TBC1D30: variants seen among roughly 807,000 people sequenced by gnomAD.
TBC1D30 encodes the protein TBC1 domain family, member 30.
TBC1D30 carries 31 observed loss-of-function variants against 63.2 expected under a neutral mutation model. The observed-to-expected ratio is 0.49, with a 90% CI of 0.37 to 0.66. The LOEUF is 0.66. TBC1D30 is among the 30% of genes least tolerant of loss of function. The probability of loss-of-function intolerance (pLI) is 0.00; values close to 1 mark genes in which losing one functional copy is unlikely to be tolerated. For synonymous variants in TBC1D30, 307 were observed against 361.5 expected (o/e 0.85, Z 1.71); for missense variants, 810 against 953.6 (o/e 0.85, Z 1.98).
In TBC1D30 at chr12:64,832,179, G is replaced by A. The variant is rs1307877151; in HGVS notation, c.469G>A (p.Val157Met). ...CGQEAEQDRV[V>M]LKRVLLAYAR... ...CCAGGAGGCTGAGCAGGACAGGGTT[G>A]TGTTGAAGCGGGTGCTGCTGGCCTA... Residue 157 changes from valine to methionine, a missense_variant, in exon 5 of 12, where the codon GTG becomes ATG. Around this residue, in one of 4 missense-constraint regions of TBC1D30, gnomAD observed 272 missense variants for 335.9 expected, o/e 0.81. Coordinates refer to ENST00000539867, the MANE Select transcript of TBC1D30 (RefSeq NM_015279.2). 1.3e-6 allele frequency: 2 copies of A among 1,536,056 alleles called. No homozygotes were observed. The highest frequency in any genetic ancestry group is 2.4e-5 in the South Asian group (2 of 84,070).
chr12:64,801,013 G>T (rs78985826), intron 2 of TBC1D30, among the ~76,000 whole-genome samples: 1 of 152,070 alleles, frequency 6.6e-6, no homozygotes, highest in Non-Finnish European at 1.5e-5. Context: ...TGTGCTCCTC[G>T]TACAGAGCTG....
chr12:64,810,216 G>A (rs1873126716), intron 2 of TBC1D30, among the ~76,000 whole-genome samples: 1 of 152,180 alleles, frequency 6.6e-6, no homozygotes, highest in South Asian at 2.1e-4. Flanking sequence ...CCATATTGGT[G>A]GGGGAGGGAT....
Position 64,816,857 on chromosome 12 carries a change from T to C in TBC1D30, c.644-10978T>C, listed in dbSNP as rs975991307. On this transcript the variant is annotated intron_variant, in intron 2 of 12. Transcript: ENST00000542120. ...GCTTTTCTTCCTTCTATCAGGGTGT[T>C]GCTCTGTCACCCAGGCTGGAGTACA... Among the ~76,000 whole-genome samples the C allele has an allele frequency of 3.2e-4, 48 of 151,744 alleles. 1 individual carries two copies. The highest frequency in any genetic ancestry group is 7.2e-4 in the Admixed American group (11 of 15,222).
chr12:64,802,672 G>A (rs1266090012), intron 2 of TBC1D30, among the ~76,000 whole-genome samples: 9 of 151,956 alleles, frequency 5.9e-5, no homozygotes, highest in Admixed American at 5.9e-4. Flanking sequence ...ACAGGCCCCG[G>A]TGTGTGATGT....
intron 2 of TBC1D30, among the ~76,000 whole-genome samples, chr12:64,806,443 G>T (rs988083812): frequency 4.6e-5 from 7 of 152,140 alleles, no homozygotes; most frequent in African/African-American, 1.7e-4. Flanking sequence ...GAGATTGAAG[G>T]CTCAGAGAGT....
chr12:64,787,845 C>T (rs1480224773), intron 2 of TBC1D30, among the ~76,000 whole-genome samples: 4 of 152,052 alleles, frequency 2.6e-5, no homozygotes, highest in Admixed American at 6.6e-5. Flanking sequence ...AGATCAGCCT[C>T]GCCAACACGG....
At chr12:64,780,396 C>T (rs1164440952), upstream of TBC1D30, among the ~76,000 whole-genome samples, 2 of 152,212 alleles carry the variant, frequency 1.3e-5, no homozygotes, top group African/African-American at 4.8e-5. Context: ...GAATAAGAGG[C>T]AAGAGTCACC....
chr12:64,832,291 G>T lies in TBC1D30; in HGVS notation c.581G>T (p.Gly194Val). 1 of 1,535,950 alleles carries T rather than the reference G, an allele frequency of 6.5e-7. No individual in the cohort carries two copies. The highest frequency in any genetic ancestry group is 8.7e-7 in the Non-Finnish European group (1 of 1,146,800). The change falls in exon 5 of 12, where the codon GGG becomes GTG. Residue 194 changes from glycine to valine, a missense_variant. By Grantham distance (109) the Gly-to-Val change is moderately radical (BLOSUM62 -3). Coordinates refer to ENST00000539867, the MANE Select transcript of TBC1D30 (RefSeq NM_015279.2). ...LILEVMEGNEGDALKIMIYLI... is the reference protein window; with the variant it reads ...LILEVMEGNEVDALKIMIYLI... ...CTGGAAGTGATGGAAGGCAATGAAGGGGATGCCCTGAAAGTGAGTAGCAGG... is the reference window on the plus strand; with the variant it reads ...CTGGAAGTGATGGAAGGCAATGAAGTGGATGCCCTGAAAGTGAGTAGCAGG...
intron 1 of TBC1D30, among the ~76,000 whole-genome samples, chr12:64,775,347 A>G (rs1422247687): frequency 1.3e-5 from 2 of 152,198 alleles, no homozygotes; most frequent in Non-Finnish European, 2.9e-5. Flanking sequence ...AGTTGGATAA[A>G]GAACCATGAC....
intron 1 of TBC1D30, among the ~76,000 whole-genome samples, chr12:64,770,702 TTTC>T (rs1490722298): frequency 3.9e-5 from 6 of 151,940 alleles, no homozygotes; most frequent in Admixed American, 3.9e-4. Flanking sequence ...CCAATTCCTT[TTTC>T]TTCTTTTTTT....
chr12:64,846,669 G>C (rs148030102), intron 8 of TBC1D30, among the ~76,000 whole-genome samples: 5,885 of 152,146 alleles, frequency 0.039, 367 homozygotes, highest in African/African-American at 0.13. Context: ...AGCTTTGACT[G>C]TTCTGGGTCT....
At chr12:64,868,944 G>T (rs1304727503) in intron 10 of TBC1D30, among the ~76,000 whole-genome samples, 1 of 151,668 alleles carries the variant, frequency 6.6e-6, no homozygotes, top group Non-Finnish European at 1.5e-5. Context: ...CCCTTAAAAT[G>T]TTGTGCTCTG....
intron 1 of TBC1D30, chr12:64,785,790 G>C: frequency 9.6e-7 from 1 of 1,046,932 alleles, no homozygotes; most frequent in Non-Finnish European, 1.3e-6. Flanking sequence ...GGTTTAAATG[G>C]ATGTTCTATT....
At chr12:64,817,801 G>A (rs915514898) in intron 2 of TBC1D30, among the ~76,000 whole-genome samples, 4 of 152,164 alleles carry the variant, frequency 2.6e-5, no homozygotes, top group African/African-American at 9.7e-5. Context: ...CATGGCTCAT[G>A]CCTGTAATCC....
chr12:64,822,093 C>T (rs1873920395), upstream of TBC1D30, among the ~76,000 whole-genome samples: 2 of 152,158 alleles, frequency 1.3e-5, no homozygotes, highest in Admixed American at 1.3e-4. Context: ...TTCTGGGAAG[C>T]GTCATAGGAA....
intron 1 of TBC1D30, among the ~76,000 whole-genome samples, chr12:64,771,008 G>T (rs969988114): frequency 6.6e-6 from 1 of 151,680 alleles, no homozygotes; most frequent in African/African-American, 2.4e-5. Flanking sequence ...CACCACGCCC[G>T]GCCAAAACAC....
chr12:64,804,366 T>TA (rs1367289494), intron 2 of TBC1D30, among the ~76,000 whole-genome samples: 1 of 152,200 alleles, frequency 6.6e-6, no homozygotes, highest in Non-Finnish European at 1.5e-5. Flanking sequence ...TGAAGTTGTT[T>TA]ATCAGCTTAA....
Position 64,875,767 on chromosome 12 carries a change from C to T in TBC1D30, c.2265C>T (p.Asn755=), listed in dbSNP as rs1476469142. 7.8e-6 allele frequency: 12 copies of T among 1,530,866 alleles called. No individual in the cohort carries two copies. The highest frequency in any genetic ancestry group is 1.0e-5 in the Non-Finnish European group (12 of 1,144,616). The allele number at this position is 1,530,866 out of a possible 1,614,324, so 94.8% of individuals were successfully genotyped here. ...GCTTCAGCAAACCCGGCGGTGGAAA[C>T]AGTGGCACTAAAAAACGATGATGTC... is the stretch of plus-strand genomic sequence containing the variant. ...SRSFSKPGGG[N]SGTKKR The change falls in exon 12 of 12, where the codon AAC becomes AAT. Residue 755 remains asparagine (N), a synonymous_variant. Coordinates refer to ENST00000539867, the MANE Select transcript of TBC1D30 (RefSeq NM_015279.2).
At chr12:64,873,198 G>A (rs1878788986) in intron 11 of TBC1D30, among the ~76,000 whole-genome samples, 1 of 152,206 alleles carries the variant, frequency 6.6e-6, no homozygotes, top group African/African-American at 2.4e-5. Context: ...GGGAGGATGG[G>A]AAATAGAGGC....
Sources: allele counts gnomAD v4.1 joint callset (sites outside exome capture counted in the v4.1 genomes callset), GRCh38; gene constraint gnomAD v4.1.1; regional missense constraint gnomAD v4.1.1; transcripts MANE v1.5; gene names NCBI Gene and HGNC (gene_info 2026-07-23, HGNC 2026-07-21).